Variants in RASSF8 observed in about 807,000 individuals in gnomAD.
RASSF8 encodes the protein ras association domain-containing protein 8.
RASSF8 carries 22 observed loss-of-function variants against 48.5 expected under a neutral mutation model. The ratio of observed to expected loss-of-function variants is 0.45; its 90% confidence interval spans 0.32 to 0.65. The LOEUF (loss-of-function observed/expected upper bound fraction) is 0.65, where lower values mean the gene tolerates loss of function less well. Ranked by LOEUF, RASSF8 falls within the 30% of genes least tolerant of loss-of-function variation. The pLI is 0.03. For synonymous variants in RASSF8, 127 were observed against 171.5 expected (o/e 0.74, Z 2.03); for missense variants, 418 against 489.2 (o/e 0.85, Z 1.37).
intron 5 of RASSF8, among the ~76,000 whole-genome samples, chr12:26,078,753 C>A (rs978524312): frequency 6.6e-6 from 1 of 152,124 alleles, no homozygotes; most frequent in Non-Finnish European, 1.5e-5. Context: ...TTTAATGGTG[C>A]CTTCTTTTGC....
intron 3 of RASSF8, among the ~76,000 whole-genome samples, chr12:26,058,548 A>T (rs199882278): frequency 7.0e-6 from 1 of 142,312 alleles, no homozygotes. Context: ...GCACACACAC[A>T]CACACACACA....
rs543533607 is a variant in RASSF8 at position 26,072,548 on chromosome 12, T to C, written c.*3730T>C. 4.0e-5 allele frequency: 39 copies of C among 984,196 alleles called. No homozygotes were observed. Among genetic ancestry groups the C allele is most frequent in the African/African-American group, 2.6e-4 (15 of 57,312 alleles). 61.0% of individuals were successfully genotyped at this position (984,196 alleles called of 1,614,324 possible). ...CATATATATGGGGGGAGGGGAAAGA[T>C]TAAAAAATAGATTTACAGCCAGACA... is the stretch of plus-strand genomic sequence containing the variant. On this transcript the variant is annotated 3_prime_UTR_variant, in exon 6 of 6. Coordinates refer to ENST00000689635, the MANE Select transcript of RASSF8 (RefSeq NM_001394098.1).
At chr12:26,065,458 CATT>C (rs2137305800) in intron 4 of RASSF8, 71 bp downstream of exon 4, 4 of 1,479,576 alleles carry the variant, frequency 2.7e-6, no homozygotes, top group Admixed American at 2.3e-5. Context: ...TCCTTTTCAT[CATT>C]GTCAATTTTT....
chr12:25,982,047 C>T (rs557272058), intron 1 of RASSF8, among the ~76,000 whole-genome samples: 11 of 152,094 alleles, frequency 7.2e-5, no homozygotes, highest in Non-Finnish European at 1.3e-4. Context: ...GGTATGAAAT[C>T]GAAGATACGG....
chr12:26,074,579 G>A (rs1591827014), downstream of RASSF8, among the ~76,000 whole-genome samples: 3 of 151,444 alleles, frequency 2.0e-5, no homozygotes, highest in East Asian at 1.9e-4. Flanking sequence ...TCCTGACCTC[G>A]TGTTCCACCC....
Position 25,998,767 on chromosome 12 carries a change from A to G in RASSF8, c.-109+3637A>G, listed in dbSNP as rs79912291. Among the ~76,000 whole-genome samples, 486 of 152,050 alleles carry G rather than the reference A, an allele frequency of 3.2e-3. 4 individuals are homozygous for G. Among genetic ancestry groups the G allele is most frequent in the African/African-American group, 0.011 (474 of 41,556 alleles). Reference sequence around the variant, plus strand: ...ATACTAGGAGAAATAAGGTGGTAAGAGTGAGTATGTGTGGGCGTGTATGTG... The same window carrying G: ...ATACTAGGAGAAATAAGGTGGTAAGGGTGAGTATGTGTGGGCGTGTATGTG... On this transcript the variant is annotated intron_variant, in intron 2 of 5. Transcript: ENST00000689635.
rs1470039144 is a variant in RASSF8 at position 26,055,374 on chromosome 12, C to T, written c.31C>T (p.Gln11Ter). Residue 11 changes from glutamine (Q) to a stop codon, truncating the protein, a stop_gained, in exon 3 of 6, where the codon CAG becomes TAG. Transcript: ENST00000689635. LOFTEE classifies it high-confidence loss of function. ...ACTTAAAGTATGGGTGGATGGAGTTCAGAGGATTGTTTGTGGAGTCACTGA... is the reference window on the plus strand; with the variant it reads ...ACTTAAAGTATGGGTGGATGGAGTTTAGAGGATTGTTTGTGGAGTCACTGA... MELKVWVDGVQRIVCGVTEVT... is the reference protein window; with the variant it reads MELKVWVDGV The T allele has an allele frequency of 6.2e-7, 1 of 1,613,928 alleles. No homozygotes were observed. The highest frequency in any genetic ancestry group is 2.2e-5 in the East Asian group (1 of 44,894).
At chr12:26,066,631 CTT>C (rs1398241404) in intron 4 of RASSF8, among the ~76,000 whole-genome samples, 4 of 152,144 alleles carry the variant, frequency 2.6e-5, no homozygotes, top group African/African-American at 9.7e-5. Flanking sequence ...AAAACACTAA[CTT>C]ATCACAGTCA....
In RASSF8 at chr12:26,055,306, A is replaced by G; in HGVS notation, c.-38A>G. On this transcript the variant is annotated 5_prime_UTR_variant, in exon 3 of 6. Coordinates refer to ENST00000689635, the MANE Select transcript of RASSF8 (RefSeq NM_001394098.1). Reference sequence around the variant, plus strand: ...AGAGACATGACCTAACACCCTGATGACCACTCTCAGGGACCTTGAGTGACT... The same window carrying G: ...AGAGACATGACCTAACACCCTGATGGCCACTCTCAGGGACCTTGAGTGACT... 2 of 1,513,048 alleles carry G rather than the reference A, an allele frequency of 1.3e-6. No individual in the cohort carries two copies. The highest frequency in any genetic ancestry group is 1.8e-6 in the Non-Finnish European group (2 of 1,088,034). The allele number at this position is 1,513,048 out of a possible 1,614,324, so 93.7% of individuals were successfully genotyped here.
At chr12:26,009,153 G>T (rs374197295) in intron 2 of RASSF8, among the ~76,000 whole-genome samples, 2 of 152,152 alleles carry the variant, frequency 1.3e-5, no homozygotes, top group East Asian at 3.8e-4. Context: ...GCTCACCGAC[G>T]TGTTAGGATA....
chr12:25,959,034 G>C lies in RASSF8; in HGVS notation c.-317G>C, dbSNP rs1219045381. 6.8e-6 allele frequency: 1 copy of C among 147,304 alleles called. No individual in the cohort carries two copies. Among genetic ancestry groups the C allele is most frequent in the Non-Finnish European group, 1.5e-5 (1 of 66,190 alleles). 9.1% of individuals were successfully genotyped at this position (147,304 alleles called of 1,614,324 possible). On this transcript the variant is annotated 5_prime_UTR_variant, in exon 1 of 6. Coordinates refer to ENST00000689635, the MANE Select transcript of RASSF8 (RefSeq NM_001394098.1). ...GGGGAGCGCCGGGGAGTGCCGGGGA[G>C]TGCGGCGCGGGGACGGGCGCTGGGC...
At chr12:25,980,873 A>G (rs1941725220) in intron 1 of RASSF8, among the ~76,000 whole-genome samples, 2 of 152,328 alleles carry the variant, frequency 1.3e-5, no homozygotes, top group South Asian at 4.1e-4. Context: ...AAGAAAAAGT[A>G]TATCATCCTG....
At chr12:26,009,943 T>G (rs1942482924) in intron 2 of RASSF8, among the ~76,000 whole-genome samples, 1 of 152,138 alleles carries the variant, frequency 6.6e-6, no homozygotes, top group South Asian at 2.1e-4. Flanking sequence ...AAGAAGGCTG[T>G]TGTGTTTAAG....
exon 6 of RASSF8, chr12:26,079,638 C>G (rs1157480991): frequency 6.6e-6 from 1 of 151,576 alleles, no homozygotes; most frequent in African/African-American, 2.4e-5. Flanking sequence ...TAAAAACAGC[C>G]AACAGGTATA....
chr12:26,010,546 G>A (rs1173498743), intron 2 of RASSF8, among the ~76,000 whole-genome samples: 1 of 152,166 alleles, frequency 6.6e-6, no homozygotes, highest in Admixed American at 6.5e-5. Flanking sequence ...AGGGCACTGT[G>A]GTTTAAGGGA....
At chr12:26,073,785 A>G (rs1425723017), downstream of RASSF8, among the ~76,000 whole-genome samples, 3 of 58,008 alleles carry the variant, frequency 5.2e-5, no homozygotes, top group Non-Finnish European at 1.1e-4. Context: ...ACATATATAT[A>G]TACACATTAT....
chr12:25,998,509 C>T (rs1050351955), intron 2 of RASSF8, among the ~76,000 whole-genome samples: 2 of 152,078 alleles, frequency 1.3e-5, no homozygotes, highest in African/African-American at 4.8e-5. Context: ...ATCACCACTC[C>T]TGGCTAATTT....
chr12:25,979,172 A>T (rs147517216), intron 1 of RASSF8, among the ~76,000 whole-genome samples: 102 of 152,286 alleles, frequency 6.7e-4, no homozygotes, highest in Non-Finnish European at 1.3e-3. Context: ...GACAGATTGG[A>T]CACGTTGGTA....
intron 1 of RASSF8, among the ~76,000 whole-genome samples, chr12:25,981,961 G>T (rs968033742): frequency 4.6e-5 from 7 of 152,150 alleles, no homozygotes. Flanking sequence ...CTTAATAATC[G>T]TCCTCAAATG....
Sources: allele counts gnomAD v4.1 joint callset (sites outside exome capture counted in the v4.1 genomes callset), GRCh38; gene constraint gnomAD v4.1.1; transcripts MANE v1.5; gene names NCBI Gene and HGNC (gene_info 2026-07-23, HGNC 2026-07-21).